PLEKHM3: variants seen among roughly 807,000 people sequenced by gnomAD.
PLEKHM3 encodes pleckstrin homology domain-containing family M member 3.
A neutral mutation model predicts 81.8 loss-of-function variants in PLEKHM3; 45 were observed. That is an observed-to-expected ratio of 0.55 (90% CI 0.43 to 0.71). PLEKHM3 has a LOEUF of 0.71. Among genes scored for constraint, PLEKHM3 ranks in the 30% least tolerant of loss-of-function variants. The pLI is 0.00. For missense variants in PLEKHM3, 788 were observed against 924.3 expected, an observed-to-expected ratio of 0.85 and a Z score of 1.91; for synonymous variants, 352 against 356.4, an observed-to-expected ratio of 0.99 and a Z score of 0.14.
chr2:207,968,961 T>A (rs1691019576), intron 3 of PLEKHM3, among the ~76,000 whole-genome samples: 1 of 152,208 alleles, frequency 6.6e-6, no homozygotes, highest in African/African-American at 2.4e-5. Flanking sequence ...ATTAGCTACA[T>A]ACCTATTCCC....
chr2:207,974,234 TCTC>T (rs1286156337), intron 3 of PLEKHM3, among the ~76,000 whole-genome samples: 11 of 152,144 alleles, frequency 7.2e-5, no homozygotes, highest in African/African-American at 2.7e-4. Flanking sequence ...TCAGCTTCCT[TCTC>T]CTTCTTTTGC....
Position 207,977,202 on chromosome 2 carries a change from T to A in PLEKHM3, c.995A>T (p.Asp332Val). 1 of 1,614,164 alleles carries A rather than the reference T, an allele frequency of 6.2e-7. No homozygotes were observed. Among genetic ancestry groups the A allele is most frequent in the South Asian group, 1.1e-5 (1 of 91,072 alleles). ...TISPGLGHHD[D>V]YTQNHSFQKK... ...CTGGAAACTATGATTCTGTGTATAG[T>A]CATCATGATGGCCAAGCCCTGGTGA... The change falls in exon 3 of 8, where the codon GAC becomes GTC. Residue 332 changes from aspartate (D) to valine (V), a missense_variant. Coordinates refer to ENST00000427836, the MANE Select transcript of PLEKHM3 (RefSeq NM_001080475.3).
intron 6 of PLEKHM3, chr2:207,901,083 C>T (rs916351813): frequency 5.7e-5 from 34 of 595,928 alleles, no homozygotes; most frequent in Non-Finnish European, 8.7e-5. Flanking sequence ...CTGAGGGGCT[C>T]GAGTTGGCTC....
intron 5 of PLEKHM3, among the ~76,000 whole-genome samples, chr2:207,917,514 T>C (rs1689029840): frequency 2.6e-5 from 4 of 152,132 alleles, no homozygotes. Flanking sequence ...TCAGAGACAT[T>C]GCAACTCCAG....
chr2:207,951,820 G>A (rs908501105), intron 3 of PLEKHM3, among the ~76,000 whole-genome samples: 2 of 152,180 alleles, frequency 1.3e-5, no homozygotes, highest in Admixed American at 6.5e-5. Flanking sequence ...TACTGAAGCT[G>A]CGATCTTGAG....
At chr2:207,921,855 C>T (rs1484225804) in intron 5 of PLEKHM3, among the ~76,000 whole-genome samples, 1 of 152,178 alleles carries the variant, frequency 6.6e-6, no homozygotes, top group South Asian at 2.1e-4. Flanking sequence ...TTTTTTATGG[C>T]TGAATGGTAC....
intron 5 of PLEKHM3, among the ~76,000 whole-genome samples, 189 bp from the exon 6 acceptor site, chr2:207,908,766 C>G (rs545045962): frequency 4.6e-5 from 7 of 152,168 alleles, no homozygotes; most frequent in Admixed American, 1.3e-4. Flanking sequence ...ACACAGACAC[C>G]AGAATGGAGG....
chr2:207,918,064 C>T (rs1312754982), intron 5 of PLEKHM3, among the ~76,000 whole-genome samples: 9 of 152,146 alleles, frequency 5.9e-5, no homozygotes, highest in Admixed American at 5.9e-4. Flanking sequence ...CTTTTGAGTA[C>T]ACTGAATAAT....
chr2:208,011,073 A>G (rs991853397), intron 1 of PLEKHM3, among the ~76,000 whole-genome samples: 1 of 151,830 alleles, frequency 6.6e-6, no homozygotes, highest in Non-Finnish European at 1.5e-5. Flanking sequence ...TCAAAAAAAA[A>G]AAAAAAAAAA....
In PLEKHM3 at chr2:207,946,493, A is replaced by G. The variant is rs1160478391; in HGVS notation, c.1566T>C (p.Gly522=). The G allele has an allele frequency of 7.4e-6, 12 of 1,614,050 alleles. No individual in the cohort carries two copies. Among genetic ancestry groups the G allele is most frequent in the Non-Finnish European group, 1.0e-5 (12 of 1,179,960 alleles). Residue 522 remains glycine, a synonymous_variant, in exon 4 of 8, where the codon GGT becomes GGC. Coordinates refer to ENST00000427836, the MANE Select transcript of PLEKHM3 (RefSeq NM_001080475.3). ...ACACCTTGGCTTTCCCATTGGAAAGACCTATGGATCGCTGGCAGCCTGTTC... is the reference window on the plus strand; with the variant it reads ...ACACCTTGGCTTTCCCATTGGAAAGGCCTATGGATCGCTGGCAGCCTGTTC... The part of the protein sequence containing the change: ...FKCAGCQRSI[G]LSNGKAKVCN...
intron 2 of PLEKHM3, among the ~76,000 whole-genome samples, chr2:207,983,524 A>G (rs1691613962): frequency 6.6e-6 from 1 of 152,086 alleles, no homozygotes. Context: ...GAGAAAGGTG[A>G]GCAAAACAAA....
intron 7 of PLEKHM3, among the ~76,000 whole-genome samples, chr2:207,836,649 C>T (rs936396360): frequency 6.6e-6 from 1 of 152,182 alleles, no homozygotes; most frequent in Non-Finnish European, 1.5e-5. Flanking sequence ...TAGAGACAGG[C>T]CCAATGGCTT....
chr2:207,844,385 C>T (rs191265591), intron 7 of PLEKHM3, among the ~76,000 whole-genome samples: 1 of 150,170 alleles, frequency 6.7e-6, no homozygotes, highest in Non-Finnish European at 1.5e-5. Flanking sequence ...TCACTGCAAG[C>T]TCCGCCTCCC....
intron 3 of PLEKHM3, among the ~76,000 whole-genome samples, chr2:207,959,121 A>C (rs1690638448): frequency 6.6e-6 from 1 of 152,098 alleles, no homozygotes; most frequent in South Asian, 2.1e-4. Flanking sequence ...ATATTTTTAA[A>C]ATCTTTATTA....
chr2:207,977,531 C>G lies in PLEKHM3; in HGVS notation c.666G>C (p.Lys222Asn). Reference sequence around the variant, plus strand: ...AGCTTTGCCAGTAACTGTCATGGTCCTTTCTAATCTCCAGGTAACCCTTCT... The same window carrying G: ...AGCTTTGCCAGTAACTGTCATGGTCGTTTCTAATCTCCAGGTAACCCTTCT... ...ILKKGYLEIRKDHDSYWQSCY... is the reference protein window; with the variant it reads ...ILKKGYLEIRNDHDSYWQSCY... The change falls in exon 3 of 8, where the codon AAG (lysine) becomes AAC (asparagine). Residue 222 changes from lysine (K) to asparagine (N), a missense_variant. Coordinates refer to ENST00000427836, the MANE Select transcript of PLEKHM3 (RefSeq NM_001080475.3). 1.2e-6 allele frequency: 2 copies of G among 1,613,714 alleles called. No homozygotes were observed. Among genetic ancestry groups the G allele is most frequent in the Non-Finnish European group, 1.7e-6 (2 of 1,179,894 alleles).
At position 207,825,543 on chromosome 2, in the gene PLEKHM3, C is replaced by T. The variant is rs1398626965; in HGVS notation, c.*2776G>A. 6.6e-6 allele frequency: 1 copy of T among 152,112 alleles called. No homozygotes were observed. The allele number at this position is 152,112 out of a possible 1,614,324, so 9.4% of individuals were successfully genotyped here. The stretch of plus-strand genomic sequence containing the variant: ...GTGGAACAATTACCTAACAGTGCAC[C>T]AAGTAATTTGTTAAAGTTGAAAACA... On this transcript the variant is annotated 3_prime_UTR_variant, in exon 8 of 8. Transcript: ENST00000427836.
intron 5 of PLEKHM3, among the ~76,000 whole-genome samples, chr2:207,927,397 T>G (rs1574414511): frequency 6.7e-6 from 1 of 149,708 alleles, no homozygotes; most frequent in East Asian, 2.0e-4. Context: ...AGGCCTGTAA[T>G]CCCAGCCACT....
chr2:207,900,185 T>C (rs1408309982), intron 6 of PLEKHM3: 1 of 152,190 alleles, frequency 6.6e-6, no homozygotes, highest in Non-Finnish European at 1.5e-5. Flanking sequence ...ACTTGAAGGC[T>C]AGCAGCTGGA....
chr2:207,867,415 C>T (rs1216725626), intron 6 of PLEKHM3, among the ~76,000 whole-genome samples: 1 of 152,102 alleles, frequency 6.6e-6, no homozygotes, highest in Non-Finnish European at 1.5e-5. Flanking sequence ...ACAAACATTC[C>T]TTTAATATTG....
Sources: allele counts gnomAD v4.1 joint callset (sites outside exome capture counted in the v4.1 genomes callset), GRCh38; gene constraint gnomAD v4.1.1; transcripts MANE v1.5; gene names NCBI Gene and HGNC (gene_info 2026-07-23, HGNC 2026-07-21).